Variants in GABRB1 observed in about 807,000 individuals in gnomAD.
The protein encoded by GABRB1 is gamma-aminobutyric acid type A receptor subunit beta1.
GABRB1 carries 17 observed loss-of-function variants against 51.6 expected under a neutral mutation model. The observed-to-expected ratio is 0.33, with a 90% CI of 0.23 to 0.49. GABRB1 has a LOEUF of 0.49. GABRB1 is among the 20% of genes least tolerant of loss of function. The pLI, the probability that GABRB1 is intolerant of heterozygous loss-of-function variation, is 0.99. For missense variants in GABRB1, 410 were observed against 600.6 expected (o/e 0.68, Z 3.32); for synonymous variants, 247 against 218.9 (o/e 1.13, Z -1.14).
intron 4 of GABRB1, among the ~76,000 whole-genome samples, chr4:47,168,112 G>A (rs188746155): frequency 3.3e-5 from 5 of 152,164 alleles, no homozygotes; most frequent in Admixed American, 2.6e-4. Context: ...TAATATTAGT[G>A]GCAATTGTAT....
chr4:47,266,703 T>C (rs1722656052), intron 4 of GABRB1, among the ~76,000 whole-genome samples: 1 of 152,142 alleles, frequency 6.6e-6, no homozygotes, highest in Non-Finnish European at 1.5e-5. Flanking sequence ...TAATATATGA[T>C]CTAATTTAGA....
At chr4:47,131,643 A>G (rs1716423401) in intron 3 of GABRB1, among the ~76,000 whole-genome samples, 1 of 152,174 alleles carries the variant, frequency 6.6e-6, no homozygotes, top group Non-Finnish European at 1.5e-5. Flanking sequence ...CAGACTTTGA[A>G]TGCAGAAAAT....
At chr4:47,032,616 C>CCGCT (rs1725374574) in intron 3 of GABRB1, 132 bp downstream of exon 3, 1 of 819,466 alleles carries the variant, frequency 1.2e-6, no homozygotes, top group Non-Finnish European at 2.1e-6. Flanking sequence ...CACCCGCTCC[C>CCGCT]CGCTCCGGCA....
chr4:47,146,839 T>G (rs552575560), intron 3 of GABRB1, among the ~76,000 whole-genome samples: 5 of 152,040 alleles, frequency 3.3e-5, no homozygotes, highest in Non-Finnish European at 7.4e-5. Context: ...AAGGCAATAT[T>G]TTTAGAAAAA....
Position 47,161,394 on chromosome 4 carries a change from C to G in GABRB1, c.386C>G (p.Ser129Ter), listed in dbSNP as rs760523333. The change falls in exon 4 of 9, where the codon TCA (serine) becomes TGA (stop). Residue 129 changes from serine to a stop codon, truncating the protein, a stop_gained. Transcript: ENST00000295454. LOFTEE classifies it high-confidence loss of function. ...ACCTACTTTCTGAATGACAAGAAAT[C>G]ATTTGTGCATGGGGTCACAGTGAAA... ...PDTYFLNDKKSFVHGVTVKNR... is the reference protein window; with the variant it reads ...PDTYFLNDKK 1 of 1,612,738 alleles carries G rather than the reference C, an allele frequency of 6.2e-7. No homozygotes were observed. The highest frequency in any genetic ancestry group is 1.7e-5 in the Admixed American group (1 of 59,840).
At chr4:47,319,265 C>G (rs937262258) in intron 4 of GABRB1, among the ~76,000 whole-genome samples, 1 of 151,962 alleles carries the variant, frequency 6.6e-6, no homozygotes, top group African/African-American at 2.4e-5. Context: ...TGTGTATATA[C>G]ATACACACAC....
chr4:47,365,128 C>T (rs749655415), intron 5 of GABRB1, among the ~76,000 whole-genome samples: 9 of 152,178 alleles, frequency 5.9e-5, no homozygotes, highest in Admixed American at 1.3e-4. Context: ...CCTGTACATC[C>T]TTCCACCTCT....
intron 4 of GABRB1, among the ~76,000 whole-genome samples, chr4:47,257,271 G>A (rs766742520): frequency 6.6e-6 from 1 of 152,128 alleles, no homozygotes. Flanking sequence ...TTCCCTTCAG[G>A]TTTAGTGATA....
chr4:47,234,193 T>C (rs1224626374), intron 4 of GABRB1, among the ~76,000 whole-genome samples: 2 of 151,878 alleles, frequency 1.3e-5, no homozygotes, highest in Non-Finnish European at 2.9e-5. Flanking sequence ...AACCCCATCA[T>C]TTAAAGATTG....
chr4:47,217,060 T>C (rs1008294952), intron 4 of GABRB1, among the ~76,000 whole-genome samples: 1 of 151,888 alleles, frequency 6.6e-6, no homozygotes, highest in Non-Finnish European at 1.5e-5. Context: ...TGGAAAAATA[T>C]TTTTAAACTC....
intron 5 of GABRB1, among the ~76,000 whole-genome samples, chr4:47,329,739 C>G (rs1725398741): frequency 6.7e-6 from 1 of 148,492 alleles, no homozygotes; most frequent in Non-Finnish European, 1.5e-5. Flanking sequence ...AATACCACTA[C>G]ATATATAATA....
chr4:47,180,042 A>G (rs1718879312), intron 4 of GABRB1, among the ~76,000 whole-genome samples: 2 of 152,146 alleles, frequency 1.3e-5, no homozygotes, highest in Non-Finnish European at 2.9e-5. Context: ...CCAGTCTCAA[A>G]AAAGAAAAAA....
At chr4:47,107,238 G>T (rs1057358707) in intron 3 of GABRB1, among the ~76,000 whole-genome samples, 2 of 151,846 alleles carry the variant, frequency 1.3e-5, no homozygotes, top group African/African-American at 4.8e-5. Flanking sequence ...TCATGTAATT[G>T]CACTACCATC....
intron 5 of GABRB1, among the ~76,000 whole-genome samples, chr4:47,364,998 G>A (rs148766719): frequency 6.6e-6 from 1 of 152,254 alleles, no homozygotes; most frequent in Admixed American, 6.5e-5. Flanking sequence ...AATAATATCA[G>A]GATGCTGATT....
chr4:47,373,659 G>A (rs1385700932), intron 5 of GABRB1, among the ~76,000 whole-genome samples: 1 of 152,144 alleles, frequency 6.6e-6, no homozygotes, highest in Admixed American at 6.5e-5. Flanking sequence ...GGAGTCTTGA[G>A]CTGTGATTTG....
At chr4:47,193,813 A>T (rs1194831935) in intron 4 of GABRB1, among the ~76,000 whole-genome samples, 1 of 152,224 alleles carries the variant, frequency 6.6e-6, no homozygotes, top group African/African-American at 2.4e-5. Flanking sequence ...CCTCCATTCC[A>T]TGATTCTTCA....
intron 3 of GABRB1, among the ~76,000 whole-genome samples, chr4:47,041,195 C>G (rs1267704477): frequency 6.6e-6 from 1 of 152,010 alleles, no homozygotes; most frequent in African/African-American, 2.4e-5. Flanking sequence ...TGAAGCTTAC[C>G]TGCCAGGAAA....
rs141618671 is a variant in GABRB1, at chr4:47,274,391, G to A, written c.462-45736G>A. ...AGAATTATCCATAGACTTGAGGCCC[G>A]TTATTATTATCCTCCCTCTGGAATC... On this transcript the variant is annotated intron_variant, in intron 4 of 8. Coordinates refer to ENST00000295454, the MANE Select transcript of GABRB1 (RefSeq NM_000812.4). Among the ~76,000 whole-genome samples, 131 of 152,176 alleles carry A rather than the reference G, an allele frequency of 8.6e-4. 1 individual carries two copies. Among genetic ancestry groups the A allele is most frequent in the South Asian group, 7.7e-3 (37 of 4,816 alleles).
At chr4:47,406,083 T>C (rs1578150234) in intron 7 of GABRB1, among the ~76,000 whole-genome samples, 1 of 152,130 alleles carries the variant, frequency 6.6e-6, no homozygotes, top group Non-Finnish European at 1.5e-5. Context: ...ATGTAAAATA[T>C]ACATAAATCA....
Sources: allele counts gnomAD v4.1 joint callset (sites outside exome capture counted in the v4.1 genomes callset), GRCh38; gene constraint gnomAD v4.1.1; transcripts MANE v1.5; gene names NCBI Gene and HGNC (gene_info 2026-07-23, HGNC 2026-07-21).